Variants in RANBP17 observed in about 807,000 individuals in gnomAD.
RANBP17 encodes ran-binding protein 17.
In RANBP17, 158 loss-of-function variants were observed where a neutral mutation model predicts 141.2. That is an observed-to-expected ratio of 1.12 (90% confidence interval 0.98 to 1.28). RANBP17 has a LOEUF of 1.28. Ranked by LOEUF, RANBP17 falls within the 50% of genes most tolerant of loss-of-function variation. RANBP17 has a pLI of 0.00. For synonymous variants in RANBP17, 430 were observed against 450.0 expected, an observed-to-expected ratio of 0.96 and a Z score of 0.56; for missense variants, 1,438 against 1,290.7, an observed-to-expected ratio of 1.11 and a Z score of -1.75.
At chr5:171,012,084 T>TAAACAAATAATAC (rs1561986252) in intron 14 of RANBP17, among the ~76,000 whole-genome samples, 1 of 151,308 alleles carries the variant, frequency 6.6e-6, no homozygotes, top group East Asian at 1.9e-4. Flanking sequence ...ATTGTTTGTT[T>TAAACAAATAATAC]ATTTGTTTAA....
intron 16 of RANBP17, among the ~76,000 whole-genome samples, chr5:171,172,740 T>G (rs941515852): frequency 1.3e-5 from 2 of 151,840 alleles, no homozygotes; most frequent in East Asian, 1.9e-4. Context: ...GAAATTGATA[T>G]TTAGTATAAA....
At chr5:171,241,185 A>T (rs1275147329) in intron 23 of RANBP17, 43 bp downstream of exon 23, 1 of 1,423,836 alleles carries the variant, frequency 7.0e-7, no homozygotes, top group Admixed American at 1.7e-5. Context: ...TGAAATGTGA[A>T]GTAACACCAC....
chr5:170,964,693 C>T (rs1776415107), intron 13 of RANBP17, among the ~76,000 whole-genome samples: 1 of 152,116 alleles, frequency 6.6e-6, no homozygotes, highest in Non-Finnish European at 1.5e-5. Context: ...TGATGATTTC[C>T]AATTTCATCC....
chr5:170,946,400 A>G (rs1241526261), intron 12 of RANBP17, among the ~76,000 whole-genome samples: 4 of 152,160 alleles, frequency 2.6e-5, no homozygotes, highest in East Asian at 1.9e-4. Flanking sequence ...CATGCTTGCA[A>G]TGTTTTAGAT....
chr5:170,940,530 TCAGGGG>T (rs1774242033), intron 12 of RANBP17, among the ~76,000 whole-genome samples: 1 of 152,118 alleles, frequency 6.6e-6, no homozygotes, highest in Non-Finnish European at 1.5e-5. Context: ...GTATTTCAGA[TCAGGGG>T]TACTCAACCT....
chr5:171,207,635 A>T (rs1256406523), intron 20 of RANBP17: 5 of 152,134 alleles, frequency 3.3e-5, no homozygotes, highest in African/African-American at 1.2e-4. Context: ...TAGATTGCCA[A>T]ATGGGGTGGT....
chr5:171,212,839 C>G (rs149442649), intron 20 of RANBP17, among the ~76,000 whole-genome samples: 1 of 152,236 alleles, frequency 6.6e-6, no homozygotes, highest in East Asian at 1.9e-4. Flanking sequence ...GTCTACTTGG[C>G]AAGGAGATAC....
At chr5:171,212,406 A>G (rs555409806) in intron 20 of RANBP17, among the ~76,000 whole-genome samples, 5 of 152,322 alleles carry the variant, frequency 3.3e-5, no homozygotes, top group East Asian at 1.9e-4. Context: ...TAGGTATTGA[A>G]AGACAGGGAT....
intron 14 of RANBP17, among the ~76,000 whole-genome samples, chr5:171,079,583 G>A (rs1443738942): frequency 6.6e-6 from 1 of 152,160 alleles, no homozygotes; most frequent in African/African-American, 2.4e-5. Flanking sequence ...CTAACCTTCA[G>A]CCACTACCAC....
chr5:170,864,528 T>C (rs1466505416), intron 1 of RANBP17, among the ~76,000 whole-genome samples: 1 of 152,104 alleles, frequency 6.6e-6, no homozygotes, highest in African/African-American at 2.4e-5. Flanking sequence ...AAGCTGTGAA[T>C]TACGATACCC....
intron 24 of RANBP17, among the ~76,000 whole-genome samples, chr5:171,264,945 A>G (rs978175852): frequency 1.4e-4 from 21 of 152,164 alleles, no homozygotes; most frequent in African/African-American, 4.8e-4. Flanking sequence ...CTTGATCCCC[A>G]TCTAAATGTG....
At position 171,265,830 on chromosome 5, in the gene RANBP17, C is replaced by T; in HGVS notation, c.2926C>T (p.Pro976Ser). 6.2e-7 allele frequency: 1 copy of T among 1,613,396 alleles called. No homozygotes were observed. The highest frequency in any genetic ancestry group is 8.5e-7 in the Non-Finnish European group (1 of 1,179,742). Residue 976 changes from proline to serine, a missense_variant, in exon 25 of 28, where the codon CCA becomes TCA. Coordinates refer to ENST00000523189, the MANE Select transcript of RANBP17 (RefSeq NM_022897.5). The stretch of plus-strand genomic sequence containing the variant: ...ACTATTACATTTTATGCAGCAAAAC[C>T]CAGATGTCCTGCAGCAGGTAACTGG... ...QRLLHFMQQN[P>S]DVLQQMMSVL...
chr5:170,932,337 A>G (rs1773462670), intron 12 of RANBP17, among the ~76,000 whole-genome samples: 2 of 151,568 alleles, frequency 1.3e-5, no homozygotes, highest in East Asian at 3.9e-4. Context: ...TAAATATACA[A>G]TCATGTCATC....
intron 20 of RANBP17, chr5:171,206,135 C>T: frequency 6.0e-6 from 1 of 167,744 alleles, no homozygotes. Context: ...AGGGTTAGTA[C>T]AGACAGGAAA....
chr5:170,902,357 T>G (rs1356081681), intron 5 of RANBP17, among the ~76,000 whole-genome samples: 1 of 152,192 alleles, frequency 6.6e-6, no homozygotes, highest in Non-Finnish European at 1.5e-5. Flanking sequence ...TCTTGCTGTG[T>G]TTTTCAGCTC....
chr5:171,184,190 T>A (rs761877036), intron 18 of RANBP17, among the ~76,000 whole-genome samples: 1 of 152,194 alleles, frequency 6.6e-6, no homozygotes, highest in Non-Finnish European at 1.5e-5. Context: ...ATATGTTTAT[T>A]GCATCGTTAT....
At chr5:171,142,351 A>G (rs1279500904) in intron 14 of RANBP17, among the ~76,000 whole-genome samples, 1 of 152,228 alleles carries the variant, frequency 6.6e-6, no homozygotes, top group Non-Finnish European at 1.5e-5. Flanking sequence ...GTTAGAGTAC[A>G]ACTATACAGC....
chr5:171,015,692 G>C (rs1048911987), intron 14 of RANBP17, among the ~76,000 whole-genome samples: 1 of 151,892 alleles, frequency 6.6e-6, no homozygotes, highest in Non-Finnish European at 1.5e-5. Flanking sequence ...TTTGTTCTGG[G>C]AAACAAATTA....
chr5:171,148,093 C>G (rs1048194213), intron 14 of RANBP17, among the ~76,000 whole-genome samples: 1 of 152,058 alleles, frequency 6.6e-6, no homozygotes, highest in Non-Finnish European at 1.5e-5. Flanking sequence ...ACCTTACCCC[C>G]AACCCTGTGC....
Sources: gnomAD v4.1 joint callset for allele counts (sites outside exome capture counted in the v4.1 genomes callset) on GRCh38, gnomAD v4.1.1 for gene constraint, MANE v1.5 for transcripts, NCBI Gene and HGNC (gene_info 2026-07-23, HGNC 2026-07-21) for gene names.